Variants in APC observed in about 807,000 individuals in gnomAD.
The protein encoded by APC is adenomatous polyposis coli protein.
Under a neutral mutation model 247.0 loss-of-function variants are expected in APC, and 72 were observed. The ratio of observed to expected loss-of-function variants is 0.29; its 90% CI spans 0.24 to 0.35. The LOEUF is 0.35. Ranked by LOEUF, APC falls within the 10% of genes least tolerant of loss-of-function variation. The pLI is 1.00. For synonymous variants in APC, 1,254 were observed against 1,162.5 expected (o/e 1.08, Z -1.60); for missense variants, 3,400 against 3,360.7 (o/e 1.01, Z -0.29).
At chr5:112,771,060 A>C (rs1756990713) in intron 4 of APC, among the ~76,000 whole-genome samples, 1 of 152,104 alleles carries the variant, frequency 6.6e-6, no homozygotes. Flanking sequence ...TTGATGTGAA[A>C]TAAGTGGGTT....
chr5:112,817,175 G>C (rs964933479), intron 9 of APC, among the ~76,000 whole-genome samples: 2 of 152,070 alleles, frequency 1.3e-5, no homozygotes, highest in Non-Finnish European at 2.9e-5. Context: ...CGGCCCATCA[G>C]AGATTTTAAT....
At chr5:112,821,189 C>G (rs1011418184) in intron 10 of APC, among the ~76,000 whole-genome samples, 8 of 151,922 alleles carry the variant, frequency 5.3e-5, no homozygotes, top group African/African-American at 1.9e-4. Context: ...TTAACCCACA[C>G]TCATGATAGT....
chr5:112,775,644 T>C lies in APC; in HGVS notation c.438T>C (p.Ala146=), dbSNP rs2149614610. The C allele has an allele frequency of 6.2e-7, 1 of 1,604,476 alleles. No homozygotes were observed. The highest frequency in any genetic ancestry group is 8.5e-7 in the Non-Finnish European group (1 of 1,174,992). Residue 146 remains alanine, a synonymous_variant, in exon 5 of 16, where the codon GCT becomes GCC. Transcript: ENST00000257430. Reference sequence around the variant, plus strand: ...AAAAAAATAGGTCATTGCTTCTTGCTGATCTTGACAAAGAAGAAAAGGAAA... The same window carrying C: ...AAAAAAATAGGTCATTGCTTCTTGCCGATCTTGACAAAGAAGAAAAGGAAA... ...ELEKERSLLL[A]DLDKEEKEKD...
chr5:112,794,301 G>A (rs1278961210), intron 7 of APC, among the ~76,000 whole-genome samples: 1 of 152,078 alleles, frequency 6.6e-6, no homozygotes, highest in East Asian at 1.9e-4. Context: ...GGCTGGTCTC[G>A]AACTCCTGAG....
chr5:112,774,262 C>A (rs1260293810), intron 4 of APC, among the ~76,000 whole-genome samples: 1 of 152,034 alleles, frequency 6.6e-6, no homozygotes, highest in Non-Finnish European at 1.5e-5. Context: ...CATCCCAAAT[C>A]TGGAAATAGA....
At chr5:112,717,885 CTTTTCTTTTTCT>C (rs1561401626) in intron 1 of APC, among the ~76,000 whole-genome samples, 1 of 39,896 alleles carries the variant, frequency 2.5e-5, no homozygotes, top group African/African-American at 6.4e-5. Flanking sequence ...TCTCTTACCT[CTTTTCTTTTTCT>C]TTTTCTTTTT....
At chr5:112,750,003 C>G (rs527853438) in intron 1 of APC, among the ~76,000 whole-genome samples, 1 of 132,688 alleles carries the variant, frequency 7.5e-6, no homozygotes, top group African/African-American at 2.9e-5. Context: ...TGCTCTGTCT[C>G]CCTGGCTGGA....
intron 1 of APC, among the ~76,000 whole-genome samples, chr5:112,752,178 CCTT>C (rs1334599850): frequency 6.6e-6 from 1 of 151,970 alleles, no homozygotes; most frequent in Non-Finnish European, 1.5e-5. Context: ...TGCTTTCCTG[CCTT>C]CTTATTCATA....
chr5:112,790,651 G>C (rs993894902), intron 6 of APC, among the ~76,000 whole-genome samples: 2 of 152,078 alleles, frequency 1.3e-5, no homozygotes, highest in Non-Finnish European at 2.9e-5. Flanking sequence ...TGAGTTTTCT[G>C]TTCTTTGTTT....
At position 112,741,751 on chromosome 5, in the gene APC, C is replaced by G. The variant is rs566233357; in HGVS notation, c.-19+3826C>G. Among the ~76,000 whole-genome samples the G allele has an allele frequency of 1.1e-4, 16 of 152,202 alleles. No individual in the cohort carries two copies. In the South Asian group the frequency reaches 2.7e-3, roughly 26 times the overall value. ...TTTTTAATCTTCCCTAATTAAAACT[C>G]TGTGCACATTAAACACTAACATGCC... On this transcript the variant is annotated intron_variant, in intron 1 of 15. Coordinates refer to ENST00000257430, the MANE Select transcript of APC (RefSeq NM_000038.6).
chr5:112,728,579 T>G (rs182622503), intron 1 of APC, among the ~76,000 whole-genome samples: 2 of 152,326 alleles, frequency 1.3e-5, no homozygotes, highest in Non-Finnish European at 2.9e-5. Flanking sequence ...ATAAAGTTCT[T>G]ACGCACAGTT....
chr5:112,744,833 G>A (rs1248289646), intron 1 of APC, among the ~76,000 whole-genome samples: 1 of 152,200 alleles, frequency 6.6e-6, no homozygotes, highest in African/African-American at 2.4e-5. Flanking sequence ...CCAGACAGAA[G>A]TTATACAGTC....
At chr5:112,802,984 A>G (rs1185142227) in intron 8 of APC, among the ~76,000 whole-genome samples, 1 of 152,166 alleles carries the variant, frequency 6.6e-6, no homozygotes, top group Non-Finnish European at 1.5e-5. Flanking sequence ...GGCAAAGGAT[A>G]TGAACAGGAA....
chr5:112,803,416 ATTAGT>A (rs1280227134), intron 8 of APC, among the ~76,000 whole-genome samples: 1 of 152,228 alleles, frequency 6.6e-6, no homozygotes, highest in Non-Finnish European at 1.5e-5. Flanking sequence ...TCAGCTGTAG[ATTAGT>A]TAAGTGGCTC....
At position 112,844,843 on chromosome 5, in the gene APC, G is replaced by A. The variant is rs1369378239; in HGVS notation, c.*717G>A. On this transcript the variant is annotated 3_prime_UTR_variant, in exon 16 of 16. Transcript: ENST00000257430. ...ACTAGATTTTATCTGAAAGTAGGTA[G>A]AATTTTTGCTATGCTGTAATTTGTT... 1 of 232,260 alleles carries A rather than the reference G, an allele frequency of 4.3e-6. No homozygotes were observed. The highest frequency in any genetic ancestry group is 8.5e-6 in the Non-Finnish European group (1 of 117,276). The allele number at this position is 232,260 out of a possible 1,614,324, so 14.4% of individuals were successfully genotyped here. A position where few individuals can be genotyped will look rare whatever the true frequency, so the allele number is the denominator to read the frequency against.
In APC at chr5:112,818,851, G is replaced by GT. The variant is rs1762787298; in HGVS notation, c.934-115_934-114insT. 78 of 1,073,652 alleles carry GT rather than the reference G, an allele frequency of 7.3e-5. 4 individuals carry two copies. Among genetic ancestry groups the GT allele is most frequent in the South Asian group, 1.9e-4 (14 of 72,646 alleles). The allele number at this position is 1,073,652 out of a possible 1,614,324, so 66.5% of individuals were successfully genotyped here. A position where few individuals can be genotyped will look rare whatever the true frequency, so the allele number is the denominator to read the frequency against. On this transcript the variant is annotated intron_variant, in intron 9 of 15. Transcript: ENST00000257430. ...GGTTTTTTGTTTTTTTTTTGGCGGG[G>GT]GGGGTTGTTTTGTTTTTTTAGAGTT...
intron 1 of APC, among the ~76,000 whole-genome samples, chr5:112,744,309 C>T (rs892203998): frequency 6.6e-6 from 1 of 152,162 alleles, no homozygotes; most frequent in Non-Finnish European, 1.5e-5. Flanking sequence ...AACTTGTGCC[C>T]TCTCTTTCTG....
At chr5:112,808,162 T>A (rs987462686) in intron 8 of APC, among the ~76,000 whole-genome samples, 1 of 151,932 alleles carries the variant, frequency 6.6e-6, no homozygotes, top group African/African-American at 2.4e-5. Context: ...CTCAAAAAAA[T>A]AAAAAAATTA....
intron 11 of APC, chr5:112,823,406 T>C (rs1763334917): frequency 6.6e-6 from 1 of 152,624 alleles, no homozygotes; most frequent in Non-Finnish European, 1.5e-5. Context: ...GCTGGGGACA[T>C]AGCCACAGGG....
Sources: allele counts gnomAD v4.1 joint callset (sites outside exome capture counted in the v4.1 genomes callset), GRCh38; gene constraint gnomAD v4.1.1; transcripts MANE v1.5; gene names NCBI Gene and HGNC (gene_info 2026-07-23, HGNC 2026-07-21).